The following SPHKAP variants were observed in gnomAD, a reference collection of about 807,000 sequenced individuals.
The protein encoded by SPHKAP is SPHK1 interactor, AKAP domain containing.
SPHKAP carries 67 observed loss-of-function variants against 137.5 expected under a neutral mutation model. The ratio of observed to expected loss-of-function variants is 0.49; its 90% CI spans 0.40 to 0.60. SPHKAP has a LOEUF of 0.60. SPHKAP is among the 20% of genes least tolerant of loss of function. SPHKAP has a pLI of 0.00. For synonymous variants in SPHKAP, 813 were observed against 785.3 expected (o/e 1.04, Z -0.59); for missense variants, 2,097 against 2,069.3 (o/e 1.01, Z -0.26).
chr2:228,065,813 A>G (rs951041249), intron 3 of SPHKAP, among the ~76,000 whole-genome samples: 52 of 152,314 alleles, frequency 3.4e-4, no homozygotes, highest in African/African-American at 1.1e-3. Context: ...GGTCTGTGGC[A>G]AGGCTGCCTC....
chr2:228,033,504 G>A (rs185436001), intron 3 of SPHKAP, among the ~76,000 whole-genome samples: 30 of 152,258 alleles, frequency 2.0e-4, no homozygotes, highest in African/African-American at 6.5e-4. Context: ...CCCAGGAATT[G>A]AACTCATCTC....
At chr2:228,032,213 G>T (rs1695358892) in intron 3 of SPHKAP, among the ~76,000 whole-genome samples, 1 of 152,168 alleles carries the variant, frequency 6.6e-6, no homozygotes, top group Non-Finnish European at 1.5e-5. Context: ...GAAAGCCAAG[G>T]CTCGAGAACT....
chr2:228,132,500 A>C, intron 1 of SPHKAP: 1 of 832,448 alleles, frequency 1.2e-6, no homozygotes, highest in Non-Finnish European at 1.4e-6. Flanking sequence ...GTAAAATATA[A>C]TTTTAATCTG....
intron 3 of SPHKAP, among the ~76,000 whole-genome samples, chr2:228,072,223 G>T (rs1422769867): frequency 1.3e-5 from 2 of 152,162 alleles, no homozygotes; most frequent in Non-Finnish European, 2.9e-5. Flanking sequence ...TTGCACTGCT[G>T]GCTTTCCTGG....
At chr2:228,048,969 C>T (rs566063215) in intron 3 of SPHKAP, among the ~76,000 whole-genome samples, 14 of 152,178 alleles carry the variant, frequency 9.2e-5, no homozygotes, top group African/African-American at 1.9e-4. Flanking sequence ...ATAAGCAACA[C>T]GCGATTGCAC....
intron 1 of SPHKAP, among the ~76,000 whole-genome samples, chr2:228,147,363 C>A (rs1031626796): frequency 1.3e-5 from 2 of 152,110 alleles, no homozygotes; most frequent in African/African-American, 4.8e-5. Context: ...CTCATAATTT[C>A]TGTTTTTTAA....
In SPHKAP at chr2:228,100,141, C is replaced by T. The variant is rs188178474; in HGVS notation, c.246+8691G>A. On this transcript the variant is annotated intron_variant, in intron 3 of 11. Transcript: ENST00000392056. The stretch of plus-strand genomic sequence containing the variant: ...CTGGGATTACAAGCGTGAGCCACTG[C>T]GCCCGGCCCTGGAAATGCTACTGAT... 5.1e-4 allele frequency among the ~76,000 whole-genome samples: 77 copies of T among 152,242 alleles called. 1 individual carries two copies. Among genetic ancestry groups the T allele is most frequent in the African/African-American group, 1.7e-3 (70 of 41,536 alleles).
intron 3 of SPHKAP, among the ~76,000 whole-genome samples, chr2:228,082,065 G>A (rs1429805749): frequency 2.0e-5 from 3 of 152,100 alleles, no homozygotes; most frequent in Non-Finnish European, 4.4e-5. Context: ...GAATAAGTAC[G>A]ATTTTTATTT....
At position 228,103,638 on chromosome 2, in the gene SPHKAP, C is replaced by A. The variant is rs141521720; in HGVS notation, c.246+5194G>T. Among the ~76,000 whole-genome samples, 944 of 152,212 alleles carry A rather than the reference C, an allele frequency of 6.2e-3. 15 individuals are homozygous for A. Among genetic ancestry groups the A allele is most frequent in the African/African-American group, 0.021 (885 of 41,530 alleles). On this transcript the variant is annotated intron_variant, in intron 3 of 11. Transcript: ENST00000392056. ...GTAACTCTTGATGCTTAAACTGATT[C>A]CTAAAGTGAGTGGGTCCAGCCGAAT...
At chr2:228,167,309 G>A (rs907837792) in intron 1 of SPHKAP, among the ~76,000 whole-genome samples, 15 of 151,824 alleles carry the variant, frequency 9.9e-5, no homozygotes, top group Non-Finnish European at 1.5e-4. Flanking sequence ...TTTTTTTCAC[G>A]TTTGCAAAGA....
intron 3 of SPHKAP, among the ~76,000 whole-genome samples, chr2:228,086,081 A>C (rs1697528626): frequency 6.6e-6 from 1 of 152,142 alleles, no homozygotes; most frequent in African/African-American, 2.4e-5. Flanking sequence ...AAAGAACTGG[A>C]AATGGAGAAA....
chr2:228,010,175 G>A (rs145081706), intron 7 of SPHKAP, among the ~76,000 whole-genome samples: 1,637 of 152,270 alleles, frequency 0.011, 17 homozygotes, highest in Middle Eastern at 0.024. Context: ...TTCGCTCAAT[G>A]TGCTGCTTGT....
chr2:228,002,184 C>A (rs1384859899), intron 7 of SPHKAP, among the ~76,000 whole-genome samples: 1 of 152,144 alleles, frequency 6.6e-6, no homozygotes, highest in African/African-American at 2.4e-5. Context: ...ACAGTCCCAC[C>A]AACAGTGTAA....
chr2:228,072,343 T>C (rs933903942), intron 3 of SPHKAP, among the ~76,000 whole-genome samples: 1 of 152,138 alleles, frequency 6.6e-6, no homozygotes, highest in Admixed American at 6.5e-5. Context: ...ATAATGCTTT[T>C]ATCTAGCATC....
chr2:228,020,223 T>G, intron 6 of SPHKAP, 67 bp from the exon 7 acceptor site: 1 of 1,510,954 alleles, frequency 6.6e-7, no homozygotes, highest in Non-Finnish European at 8.8e-7. Flanking sequence ...TCTTAAGTAA[T>G]AATTACTTTC....
chr2:228,103,535 T>C (rs1056328388), intron 3 of SPHKAP, among the ~76,000 whole-genome samples: 1 of 152,178 alleles, frequency 6.6e-6, no homozygotes, highest in African/African-American at 2.4e-5. Context: ...CTGGCTGAAG[T>C]TGGCAGAAAT....
intron 3 of SPHKAP, among the ~76,000 whole-genome samples, chr2:228,055,141 C>CAAAAAAAAAAAAA (rs1559149608): frequency 1.8e-5 from 2 of 111,910 alleles, no homozygotes; most frequent in Admixed American, 9.2e-5. Flanking sequence ...AAACTCCACT[C>CAAAAAAAAAAAAA]CAAAAAAAAA....
rs533589094 is a variant in SPHKAP at position 227,993,451 on chromosome 2, G to A, written c.4721+83C>T. Reference sequence around the variant, plus strand: ...CAGACATGATGAGGTCAGTGGTTGGGCACAACCTGAATGATCAAAATGGAT... The same window carrying A: ...CAGACATGATGAGGTCAGTGGTTGGACACAACCTGAATGATCAAAATGGAT... On this transcript the variant is annotated intron_variant, in intron 9 of 11. Coordinates refer to ENST00000392056, the MANE Select transcript of SPHKAP (RefSeq NM_001142644.2). The A allele has an allele frequency of 8.5e-6, 11 of 1,289,744 alleles. No individual in the cohort carries two copies. In the African/African-American group the frequency reaches 1.5e-4, roughly 17 times the overall value. The allele number at this position is 1,289,744 out of a possible 1,614,324, so 79.9% of individuals were successfully genotyped here.
chr2:228,011,878 T>C (rs551367354), intron 7 of SPHKAP, among the ~76,000 whole-genome samples: 3 of 152,042 alleles, frequency 2.0e-5, no homozygotes, highest in African/African-American at 4.8e-5. Flanking sequence ...AGTTTTGAAA[T>C]ATACAGGCCA....
Sources: gnomAD v4.1 joint callset for allele counts (sites outside exome capture counted in the v4.1 genomes callset) on GRCh38, gnomAD v4.1.1 for gene constraint, MANE v1.5 for transcripts, NCBI Gene and HGNC (gene_info 2026-07-23, HGNC 2026-07-21) for gene names.